Variants in DDHD1 observed in about 807,000 individuals in gnomAD.
DDHD1 encodes the protein DDHD domain containing 1.
In DDHD1, 49 loss-of-function variants were observed where a neutral mutation model predicts 96.4. The observed-to-expected ratio is 0.51, with a 90% confidence interval of 0.40 to 0.64. The LOEUF (loss-of-function observed/expected upper bound fraction) is 0.64, where lower values mean the gene tolerates loss of function less well. Among genes scored for constraint, DDHD1 ranks in the 30% least tolerant of loss-of-function variants. DDHD1 has a pLI of 0.00. For missense variants in DDHD1, 1,106 were observed against 1,161.2 expected, an observed-to-expected ratio of 0.95 and a Z score of 0.69; for synonymous variants, 442 against 446.5, an observed-to-expected ratio of 0.99 and a Z score of 0.13.
At chr14:53,128,132 A>T (rs907147873) in intron 1 of DDHD1, among the ~76,000 whole-genome samples, 2 of 152,078 alleles carry the variant, frequency 1.3e-5, no homozygotes, top group Non-Finnish European at 2.9e-5. Context: ...TTCCCTTTCC[A>T]CCATGATTGT....
chr14:53,082,529 T>C (rs7141306), intron 4 of DDHD1, among the ~76,000 whole-genome samples: 117,220 of 148,538 alleles, frequency 0.79, 47,046 homozygotes, highest in East Asian at 0.98. Context: ...GAAGCTGAGG[T>C]GGGTGGATCA....
intron 4 of DDHD1, among the ~76,000 whole-genome samples, chr14:53,090,268 T>G (rs994394204): frequency 3.9e-5 from 6 of 152,202 alleles, no homozygotes; most frequent in Admixed American, 2.6e-4. Context: ...ACTTTTACAC[T>G]GTTGGTGGGA....
In DDHD1 at chr14:53,152,759, A is replaced by AGGTGCC. The variant is rs1566616091; in HGVS notation, c.339_340insGGCACC (p.Ser113_Ser114insGlyThr). Reference sequence around the variant, plus strand: ...TGCTGCGGCGGGTGCAGCGACAAGGAGCTGCCGCCGCCGCCGCTCTCACCC... The same window carrying AGGTGCC: ...TGCTGCGGCGGGTGCAGCGACAAGGAGGTGCCGCTGCCGCCGCCGCCGCTCTCACCC... On this transcript the variant is annotated inframe_insertion, in exon 1 of 13. Transcript: ENST00000673822. The AGGTGCC allele has an allele frequency of 6.7e-7, 1 of 1,503,138 alleles. No individual in the cohort carries two copies. Among genetic ancestry groups the AGGTGCC allele is most frequent in the Non-Finnish European group, 8.9e-7 (1 of 1,126,536 alleles). 93.1% of individuals were successfully genotyped at this position (1,503,138 alleles called of 1,614,324 possible).
chr14:53,086,011 C>T (rs1477261738), intron 4 of DDHD1, among the ~76,000 whole-genome samples: 1 of 152,168 alleles, frequency 6.6e-6, no homozygotes. Context: ...CATGCACAAG[C>T]TTCGGTAGCT....
At chr14:53,143,038 G>C (rs1275265580) in intron 1 of DDHD1, among the ~76,000 whole-genome samples, 1 of 152,206 alleles carries the variant, frequency 6.6e-6, no homozygotes, top group African/African-American at 2.4e-5. Flanking sequence ...TTCATCATGG[G>C]ATATTTTTAA....
rs1363752165 is a variant in DDHD1, at chr14:53,058,619, T to C, written c.1850A>G (p.Asn617Ser). 1 of 1,596,960 alleles carries C rather than the reference T, an allele frequency of 6.3e-7. No homozygotes were observed. Residue 617 changes from asparagine (N) to serine (S), a missense_variant, in exon 9 of 13, where the codon AAT becomes AGT. This residue lies in a region of DDHD1 where 650 missense variants were observed against 758.8 expected (regional missense o/e 0.86). Coordinates refer to ENST00000673822, the MANE Select transcript of DDHD1 (RefSeq NM_001160148.2). ...QTPALKFKVE[N>S]FFCMGSPLAV... ...TAATGGGGATCCCATACAGAAGAAA[T>C]TCTCAACCTAAAATGATAAAGTCAT...
At chr14:53,122,582 GTTT>G (rs56655949) in intron 1 of DDHD1, among the ~76,000 whole-genome samples, 4 of 143,808 alleles carry the variant, frequency 2.8e-5, no homozygotes, top group Non-Finnish European at 4.5e-5. Flanking sequence ...TCTGCTAATA[GTTT>G]TTTTTTTTTT....
At chr14:53,048,585 C>G (rs1164554526) in intron 12 of DDHD1, 1 of 152,116 alleles carries the variant, frequency 6.6e-6, no homozygotes, top group Admixed American at 6.6e-5. Flanking sequence ...GTGATCCACC[C>G]ACCTCAGCCT....
At position 53,152,464 on chromosome 14, in the gene DDHD1, C is replaced by T; in HGVS notation, c.635G>A (p.Gly212Asp). The change falls in exon 1 of 13, where the codon GGC (glycine) becomes GAC (aspartate). Residue 212 changes from glycine to aspartate, a missense_variant. Physicochemically the swap from Gly to Asp is moderately conservative, Grantham distance 94. Transcript: ENST00000673822. ...GCCCGTGGGGGAGCACACATGGTCG[C>T]CGTCCCGGTCCCCGCCCTGGGGCCG... is the stretch of plus-strand genomic sequence containing the variant. The part of the protein sequence containing the change: ...GARPQGGDRD[G>D]DHVCSPTGPA... The T allele has an allele frequency of 6.2e-7, 1 of 1,613,026 alleles. No individual in the cohort carries two copies. Among genetic ancestry groups the T allele is most frequent in the Non-Finnish European group, 8.5e-7 (1 of 1,179,710 alleles).
Position 53,073,777 on chromosome 14 carries a change from G to T in DDHD1, c.1360C>A (p.Pro454Thr). 2 of 1,609,204 alleles carry T rather than the reference G, an allele frequency of 1.2e-6. No homozygotes were observed. The highest frequency in any genetic ancestry group is 3.4e-5 in the Admixed American group (2 of 59,672). ...SNHATHVEFLPVEWRSKLTLD... is the reference protein window; with the variant it reads ...SNHATHVEFLTVEWRSKLTLD... ...GTAAGTTTTGACCGCCACTCAACAG[G>T]CAGAAATTCAACATGTGTTGCATGG... is the stretch of plus-strand genomic sequence containing the variant. The change falls in exon 5 of 13, where the codon CCT becomes ACT. Residue 454 changes from proline (P) to threonine (T), a missense_variant. By Grantham distance (38) the Pro-to-Thr change is conservative. Coordinates refer to ENST00000673822, the MANE Select transcript of DDHD1 (RefSeq NM_001160148.2).
rs988628399 is a variant in DDHD1 at position 53,043,499 on chromosome 14, T to A, written c.*3269A>T. ...TGGAGTGCAGTGGTGCAATCTTGGC[T>A]CACTGAAGCCTTGACCTCCCGGAAT... On this transcript the variant is annotated 3_prime_UTR_variant, in exon 13 of 13. Coordinates refer to ENST00000673822, the MANE Select transcript of DDHD1 (RefSeq NM_001160148.2). The A allele has an allele frequency of 3.3e-5, 5 of 152,202 alleles. 1 individual carries two copies. The East Asian group carries it at 7.7e-4, about 24-fold the overall frequency. The allele number at this position is 152,202 out of a possible 1,614,324, so 9.4% of individuals were successfully genotyped here.
At chr14:53,114,964 G>A (rs1888432665) in intron 1 of DDHD1, among the ~76,000 whole-genome samples, 1 of 152,148 alleles carries the variant, frequency 6.6e-6, no homozygotes, top group Non-Finnish European at 1.5e-5. Flanking sequence ...AATGCATGGA[G>A]GCTAAGAACC....
intron 4 of DDHD1, among the ~76,000 whole-genome samples, chr14:53,091,103 T>C (rs1429684204): frequency 1.3e-5 from 2 of 152,190 alleles, no homozygotes; most frequent in Admixed American, 1.3e-4. Flanking sequence ...CTTGGCATCA[T>C]CTATAACTGA....
intron 1 of DDHD1, among the ~76,000 whole-genome samples, chr14:53,130,557 G>T (rs937925080): frequency 3.9e-4 from 60 of 152,120 alleles, no homozygotes; most frequent in Admixed American, 3.9e-3. Flanking sequence ...GCAATTACTT[G>T]CCTCCGCTGT....
chr14:53,088,745 C>T (rs1459526701), intron 4 of DDHD1, among the ~76,000 whole-genome samples: 1 of 152,196 alleles, frequency 6.6e-6, no homozygotes, highest in Non-Finnish European at 1.5e-5. Context: ...GAAGCATTCC[C>T]TTTGAAAACT....
chr14:53,081,085 G>C (rs1041821699), intron 4 of DDHD1, among the ~76,000 whole-genome samples: 28 of 152,168 alleles, frequency 1.8e-4, no homozygotes, highest in Non-Finnish European at 1.8e-4. Flanking sequence ...TATCCCCAAA[G>C]TTCGCATTTT....
At chr14:53,103,281 T>C (rs1887445800) in intron 2 of DDHD1, 2 of 395,216 alleles carry the variant, frequency 5.1e-6, no homozygotes, top group Non-Finnish European at 4.4e-6. Flanking sequence ...ACAAAGATAA[T>C]TAAAGATTTT....
intron 12 of DDHD1, chr14:53,048,606 T>TG (rs1882257294): frequency 6.6e-6 from 1 of 152,238 alleles, no homozygotes; most frequent in Admixed American, 6.5e-5. Context: ...CCCAAAGTGC[T>TG]GGGATTACAA....
chr14:53,120,333 T>C (rs1030686560), intron 1 of DDHD1, among the ~76,000 whole-genome samples: 1 of 152,240 alleles, frequency 6.6e-6, no homozygotes, highest in Non-Finnish European at 1.5e-5. Flanking sequence ...TCTATGCTCA[T>C]GGTTAGGAAG....
Sources: allele counts gnomAD v4.1 joint callset (sites outside exome capture counted in the v4.1 genomes callset), GRCh38; gene constraint gnomAD v4.1.1; regional missense constraint gnomAD v4.1.1; transcripts MANE v1.5; gene names NCBI Gene and HGNC (gene_info 2026-07-23, HGNC 2026-07-21).